The following OXR1 variants were observed in gnomAD, a reference collection of about 807,000 sequenced individuals.
OXR1 encodes oxidation resistance protein 1.
A neutral mutation model predicts 104.6 loss-of-function variants in OXR1; 41 were observed. That is an observed-to-expected ratio of 0.39 (90% confidence interval 0.31 to 0.51). The LOEUF (loss-of-function observed/expected upper bound fraction) is 0.51. Among genes scored for constraint, OXR1 ranks in the 20% least tolerant of loss-of-function variants. The pLI, the probability that OXR1 is intolerant of heterozygous loss-of-function variation, is 0.77. For synonymous variants in OXR1, 348 were observed against 348.4 expected (o/e 1.00, Z 0.01); for missense variants, 955 against 1,031.9 (o/e 0.93, Z 1.02).
chr8:106,614,945 T>C (rs1409113405), intron 3 of OXR1, among the ~76,000 whole-genome samples: 1 of 152,206 alleles, frequency 6.6e-6, no homozygotes, highest in Non-Finnish European at 1.5e-5. Flanking sequence ...ATTCCGCAGA[T>C]GCTAAAAACC....
intron 1 of OXR1, among the ~76,000 whole-genome samples, chr8:106,327,286 C>T (rs781654920): frequency 5.9e-5 from 9 of 152,044 alleles, no homozygotes; most frequent in Non-Finnish European, 8.8e-5. Flanking sequence ...TAGTTTGAAC[C>T]AAGAAAAAGT....
At chr8:106,473,652 C>T (rs1001047814) in intron 2 of OXR1, among the ~76,000 whole-genome samples, 1 of 151,762 alleles carries the variant, frequency 6.6e-6, no homozygotes, top group African/African-American at 2.4e-5. Context: ...AAAAAACCCA[C>T]GTTACTGAAG....
chr8:106,564,421 A>C (rs1670390), intron 3 of OXR1, among the ~76,000 whole-genome samples: 75,380 of 151,552 alleles, frequency 0.5, 18,933 homozygotes, highest in East Asian at 0.73. Flanking sequence ...ACACACACAC[A>C]CCCCCGCCCC....
At chr8:106,532,491 AT>A (rs1273450848) in intron 3 of OXR1, among the ~76,000 whole-genome samples, 2 of 152,208 alleles carry the variant, frequency 1.3e-5, no homozygotes, top group Non-Finnish European at 2.9e-5. Context: ...ATATAAGATA[AT>A]GTATATAAAT....
chr8:106,427,813 C>T (rs1180328131), intron 2 of OXR1, among the ~76,000 whole-genome samples: 1 of 152,062 alleles, frequency 6.6e-6, no homozygotes, highest in Non-Finnish European at 1.5e-5. Context: ...AACAGTCGGA[C>T]ACCTGGGGGC....
At chr8:106,617,609 A>G (rs1040525525) in intron 3 of OXR1, among the ~76,000 whole-genome samples, 8 of 152,236 alleles carry the variant, frequency 5.3e-5, no homozygotes, top group African/African-American at 1.9e-4. Flanking sequence ...ATTATGATGC[A>G]ATTGGAAGTT....
chr8:106,412,143 C>T (rs73307126), intron 2 of OXR1, among the ~76,000 whole-genome samples: 3,721 of 152,200 alleles, frequency 0.024, 148 homozygotes, highest in African/African-American at 0.083. Flanking sequence ...AGGTAATTCT[C>T]ACAATTCCTG....
chr8:106,463,142 C>G (rs7842907), intron 2 of OXR1, among the ~76,000 whole-genome samples: 8,648 of 151,958 alleles, frequency 0.057, 876 homozygotes, highest in African/African-American at 0.2. Context: ...GAACAGCAAG[C>G]CAAGGAGAAC....
chr8:106,718,775 C>T (rs1175430072), intron 11 of OXR1, among the ~76,000 whole-genome samples: 1 of 149,734 alleles, frequency 6.7e-6, no homozygotes, highest in Non-Finnish European at 1.5e-5. Context: ...GGAGGTGGAG[C>T]GTGCAGTGAG....
intron 3 of OXR1, among the ~76,000 whole-genome samples, chr8:106,661,628 A>T (rs1825775525): frequency 6.6e-6 from 1 of 151,952 alleles, no homozygotes; most frequent in South Asian, 2.1e-4. Context: ...GTAGACTCTC[A>T]ACTTACTGTC....
rs993960379 is a variant in OXR1, at chr8:106,432,416, A to G, written c.23+72780A>G. 7.9e-5 allele frequency among the ~76,000 whole-genome samples: 12 copies of G among 151,964 alleles called. No individual in the cohort carries two copies. In the South Asian group the frequency reaches 1.5e-3, roughly 18 times the overall value. On this transcript the variant is annotated intron_variant, in intron 2 of 16. Transcript: ENST00000517566. The stretch of plus-strand genomic sequence containing the variant: ...CTCCTGTTCCTGCCGTGCTCCAGGC[A>G]CTCCTGGTGCACTGGCCTCTTTGCT...
chr8:106,420,632 A>C (rs1818866521), intron 2 of OXR1, among the ~76,000 whole-genome samples: 1 of 151,928 alleles, frequency 6.6e-6, no homozygotes, highest in Non-Finnish European at 1.5e-5. Flanking sequence ...AAGCATTAAG[A>C]AGATATCACA....
intron 1 of OXR1, among the ~76,000 whole-genome samples, chr8:106,345,634 G>C (rs1815446526): frequency 6.6e-6 from 1 of 152,134 alleles, no homozygotes; most frequent in South Asian, 2.1e-4. Context: ...AGTACAAGAG[G>C]TCTAGAAAAT....
chr8:106,391,648 A>G (rs1817590356), intron 2 of OXR1, among the ~76,000 whole-genome samples: 1 of 152,124 alleles, frequency 6.6e-6, no homozygotes, highest in South Asian at 2.1e-4. Flanking sequence ...TGAAGGATAA[A>G]TTTATTTGTG....
At chr8:106,507,002 T>A (rs1563568638) in intron 2 of OXR1, among the ~76,000 whole-genome samples, 1 of 151,574 alleles carries the variant, frequency 6.6e-6, no homozygotes, top group Non-Finnish European at 1.5e-5. Context: ...GGTGGGAAGA[T>A]CCCTTAAGCC....
chr8:106,630,542 CTT>C (rs1200622234), intron 3 of OXR1, among the ~76,000 whole-genome samples: 2 of 152,090 alleles, frequency 1.3e-5, no homozygotes, highest in Admixed American at 1.3e-4. Flanking sequence ...GTTTCTTTGT[CTT>C]TTCACTTACT....
intron 2 of OXR1, among the ~76,000 whole-genome samples, chr8:106,376,235 T>C (rs1471868316): frequency 6.6e-6 from 1 of 152,232 alleles, no homozygotes; most frequent in African/African-American, 2.4e-5. Context: ...AAAACAACCC[T>C]GTTCCCATTC....
intron 3 of OXR1, among the ~76,000 whole-genome samples, chr8:106,550,667 T>C (rs1476872539): frequency 6.6e-6 from 1 of 152,136 alleles, no homozygotes; most frequent in African/African-American, 2.4e-5. Context: ...CTGCTCTTGA[T>C]CATTCTCTCT....
intron 7 of OXR1, among the ~76,000 whole-genome samples, chr8:106,694,558 T>TTA (rs1270554928): frequency 7.9e-6 from 1 of 126,964 alleles, no homozygotes; most frequent in African/African-American, 3.0e-5. Context: ...ATAAATATGT[T>TTA]TATATATATT....
Sources: gnomAD v4.1 joint callset for allele counts (sites outside exome capture counted in the v4.1 genomes callset) on GRCh38, gnomAD v4.1.1 for gene constraint, MANE v1.5 for transcripts, NCBI Gene and HGNC (gene_info 2026-07-23, HGNC 2026-07-21) for gene names.